GREB1L: variants seen among roughly 807,000 people sequenced by gnomAD.
The protein encoded by GREB1L is GREB1-like protein.
In GREB1L, 17 loss-of-function variants were observed where a neutral mutation model predicts 200.8. The ratio of observed to expected loss-of-function variants is 0.08; its 90% CI spans 0.06 to 0.13. GREB1L has a LOEUF of 0.13. GREB1L is among the 10% of genes least tolerant of loss of function. The pLI, the probability that GREB1L is intolerant of heterozygous loss-of-function variation, is 1.00. For missense variants in GREB1L, 1,657 were observed against 2,367.7 expected (o/e 0.70, Z 6.23); for synonymous variants, 789 against 893.0 (o/e 0.88, Z 2.08).
intron 1 of GREB1L, among the ~76,000 whole-genome samples, chr18:21,350,238 CTTTT>C (rs1019497941): frequency 3.0e-5 from 4 of 133,268 alleles, no homozygotes; most frequent in Non-Finnish European, 4.9e-5. Flanking sequence ...TTCTTTCTTT[CTTTT>C]TTTTTTTTTT....
At chr18:21,245,980 C>G (rs1053950843) in intron 1 of GREB1L, among the ~76,000 whole-genome samples, 6 of 152,226 alleles carry the variant, frequency 3.9e-5, no homozygotes, top group African/African-American at 1.4e-4. Flanking sequence ...CCTCAGCCTC[C>G]CAAAGTGCTG....
chr18:21,424,341 G>C (rs1181067654), intron 7 of GREB1L, among the ~76,000 whole-genome samples: 1 of 152,184 alleles, frequency 6.6e-6, no homozygotes, highest in Non-Finnish European at 1.5e-5. Context: ...GCTGAGGCAG[G>C]CGAATCACTT....
At chr18:21,429,787 G>A (rs757676654) in intron 7 of GREB1L, among the ~76,000 whole-genome samples, 1 of 152,042 alleles carries the variant, frequency 6.6e-6, no homozygotes, top group Non-Finnish European at 1.5e-5. Flanking sequence ...CTAAGAATTT[G>A]TCAATTTCAA....
At chr18:21,487,816 C>T (rs1360544535) in intron 18 of GREB1L, among the ~76,000 whole-genome samples, 3 of 149,752 alleles carry the variant, frequency 2.0e-5, no homozygotes, top group South Asian at 2.1e-4. Context: ...GCCTGGCCAA[C>T]GTGGTAAAAC....
intron 1 of GREB1L, among the ~76,000 whole-genome samples, chr18:21,306,698 C>G (rs2038706996): frequency 6.6e-6 from 1 of 152,194 alleles, no homozygotes; most frequent in Non-Finnish European, 1.5e-5. Flanking sequence ...AACTGCAAAG[C>G]TTCTGAATAT....
intron 29 of GREB1L, among the ~76,000 whole-genome samples, chr18:21,516,130 C>G (rs2037409115): frequency 6.6e-6 from 1 of 152,124 alleles, no homozygotes; most frequent in South Asian, 2.1e-4. Context: ...TAGCCATGGC[C>G]TTGCCTCCCA....
intron 16 of GREB1L, among the ~76,000 whole-genome samples, chr18:21,476,746 A>ATTTTTTT (rs59564255): frequency 6.9e-6 from 1 of 144,864 alleles, no homozygotes; most frequent in Non-Finnish European, 1.5e-5. Flanking sequence ...TTTTTTTTGT[A>ATTTTTTT]TTTTTTTTTT....
chr18:21,467,594 T>A (rs546463919), intron 15 of GREB1L, among the ~76,000 whole-genome samples: 20 of 152,268 alleles, frequency 1.3e-4, no homozygotes, highest in Non-Finnish European at 2.6e-4. Flanking sequence ...GTAAGAATTG[T>A]TGAATATGTG....
chr18:21,459,890 C>T (rs574917505), intron 15 of GREB1L, among the ~76,000 whole-genome samples: 1 of 152,256 alleles, frequency 6.6e-6, no homozygotes, highest in African/African-American at 2.4e-5. Context: ...GCATTGCTGT[C>T]CGGGGGATGG....
At chr18:21,339,808 A>G (rs1193767348) in intron 1 of GREB1L, among the ~76,000 whole-genome samples, 2 of 152,234 alleles carry the variant, frequency 1.3e-5, no homozygotes, top group Non-Finnish European at 2.9e-5. Flanking sequence ...TATTGTGTTC[A>G]TAAGATTTTT....
At chr18:21,487,295 C>T (rs1267618501) in intron 18 of GREB1L, among the ~76,000 whole-genome samples, 5 of 152,164 alleles carry the variant, frequency 3.3e-5, no homozygotes, top group African/African-American at 1.2e-4. Flanking sequence ...TAGTTTAATG[C>T]AAGCATGACA....
chr18:21,474,703 T>G (rs894860287), intron 16 of GREB1L, among the ~76,000 whole-genome samples: 4 of 152,104 alleles, frequency 2.6e-5, no homozygotes, highest in Non-Finnish European at 5.9e-5. Flanking sequence ...AAAAAGCCAC[T>G]TTTCCCTCCT....
chr18:21,360,705 A>T (rs1447599781), intron 1 of GREB1L, among the ~76,000 whole-genome samples: 2 of 152,002 alleles, frequency 1.3e-5, no homozygotes, highest in Non-Finnish European at 2.9e-5. Flanking sequence ...AATTAGAAAA[A>T]CTCCTCTCAT....
At chr18:21,473,576 A>C (rs1328855500) in intron 16 of GREB1L, among the ~76,000 whole-genome samples, 1 of 146,006 alleles carries the variant, frequency 6.8e-6, no homozygotes, top group Non-Finnish European at 1.5e-5. Context: ...CTCAAAAAAA[A>C]AAAAAAAAAA....
intron 1 of GREB1L, among the ~76,000 whole-genome samples, chr18:21,281,737 A>G (rs1458041605): frequency 2.0e-5 from 3 of 152,198 alleles, no homozygotes; most frequent in African/African-American, 7.2e-5. Context: ...AAAGCAGTTG[A>G]GAATTGGCTG....
At chr18:21,412,014 C>T (rs1299756350) in intron 7 of GREB1L, among the ~76,000 whole-genome samples, 1 of 144,704 alleles carries the variant, frequency 6.9e-6, no homozygotes, top group Non-Finnish European at 1.5e-5. Context: ...CACTGCAGTC[C>T]TCAGTCCGGC....
chr18:21,262,084 G>A (rs2037898461), intron 1 of GREB1L, among the ~76,000 whole-genome samples: 2 of 152,114 alleles, frequency 1.3e-5, no homozygotes, highest in Admixed American at 6.6e-5. Context: ...TGCAAATTGT[G>A]TATTTATAGC....
intron 1 of GREB1L, among the ~76,000 whole-genome samples, chr18:21,333,097 C>T (rs1034002064): frequency 3.3e-5 from 5 of 151,926 alleles, no homozygotes; most frequent in Admixed American, 6.5e-5. Flanking sequence ...CACACACGCG[C>T]GCGCGCGCGC....
In GREB1L at chr18:21,522,344, G is replaced by A. The variant is rs568788819; in HGVS notation, c.5609-314G>A. ...AAAAAATTAGCTGGGCCTGGTGGCA[G>A]ACACCTGTAGTCTCAGCTACTTGGG... On this transcript the variant is annotated intron_variant, in intron 32 of 32. Transcript: ENST00000424526. 7.2e-5 allele frequency among the ~76,000 whole-genome samples: 11 copies of A among 151,800 alleles called. No homozygotes were observed. In the South Asian group the frequency reaches 1.9e-3, roughly 26 times the overall value.
Sources: gnomAD v4.1 joint callset for allele counts (sites outside exome capture counted in the v4.1 genomes callset) on GRCh38, gnomAD v4.1.1 for gene constraint, MANE v1.5 for transcripts, NCBI Gene and HGNC (gene_info 2026-07-23, HGNC 2026-07-21) for gene names.